Variants in VPS13B observed in about 807,000 individuals in gnomAD.
VPS13B encodes vacuolar protein sorting 13 homolog B, also known as intermembrane lipid transfer protein VPS13B.
In VPS13B, 285 loss-of-function variants were observed where a neutral mutation model predicts 426.4. The ratio of observed to expected loss-of-function variants is 0.67; its 90% CI spans 0.61 to 0.74. VPS13B has a LOEUF of 0.74. VPS13B is among the 30% of genes least tolerant of loss of function. The pLI, the probability that VPS13B is intolerant of heterozygous loss-of-function variation, is 0.00. For synonymous variants in VPS13B, 1,676 were observed against 1,676.4 expected (o/e 1.00, Z 0.01); for missense variants, 4,537 against 4,782.6 (o/e 0.95, Z 1.51).
At chr8:99,194,382 C>T (rs749016848) in intron 17 of VPS13B, among the ~76,000 whole-genome samples, 2 of 152,120 alleles carry the variant, frequency 1.3e-5, no homozygotes, top group Non-Finnish European at 2.9e-5. Context: ...AAACTTTGTA[C>T]CCTCTGAACA....
At chr8:99,490,977 T>G (rs907822038) in intron 25 of VPS13B, among the ~76,000 whole-genome samples, 7 of 152,194 alleles carry the variant, frequency 4.6e-5, no homozygotes, top group Non-Finnish European at 1.0e-4. Flanking sequence ...GCTTCTCTAG[T>G]TCTTTTCATT....
At position 99,728,919 on chromosome 8, in the gene VPS13B, TTC is replaced by T. The variant is rs1833472276; in HGVS notation, c.7050+7876_7050+7877del. ...GGGAATATTCACTCGCTATTGCTTTTTCTCTTTTTCTTTCCCCGTATTTGCTT... is the reference window on the plus strand; with the variant it reads ...GGGAATATTCACTCGCTATTGCTTTTTCTTTTTCTTTCCCCGTATTTGCTT... On this transcript the variant is annotated intron_variant, in intron 39 of 61. Transcript: ENST00000357162. Among the ~76,000 whole-genome samples the T allele has an allele frequency of 2.6e-5, 4 of 152,300 alleles. 1 individual carries two copies. The South Asian group carries it at 8.3e-4, about 32-fold the overall frequency.
chr8:99,596,711 G>A (rs931284250), intron 33 of VPS13B, among the ~76,000 whole-genome samples: 12 of 152,008 alleles, frequency 7.9e-5, no homozygotes, highest in Non-Finnish European at 1.3e-4. Flanking sequence ...TAGCCATGTC[G>A]TCACACCCAG....
intron 3 of VPS13B, among the ~76,000 whole-genome samples, chr8:99,050,989 A>G (rs1269610593): frequency 6.6e-6 from 1 of 151,670 alleles, no homozygotes; most frequent in Non-Finnish European, 1.5e-5. Flanking sequence ...TTGTCTGTTC[A>G]CTCTGATGGT....
intron 51 of VPS13B, 39 bp downstream of exon 51, chr8:99,824,017 TAAAG>T (rs1263194082): frequency 1.9e-6 from 3 of 1,603,216 alleles, no homozygotes; most frequent in Admixed American, 1.7e-5. Context: ...TAAGTTTTGA[TAAAG>T]AAACAATAAA....
At chr8:99,737,924 G>A (rs988034592) in intron 39 of VPS13B, among the ~76,000 whole-genome samples, 9 of 152,192 alleles carry the variant, frequency 5.9e-5, no homozygotes, top group African/African-American at 2.2e-4. Flanking sequence ...ATATGATATA[G>A]GAGACAGCCT....
chr8:99,593,217 G>C (rs112799451), intron 33 of VPS13B, among the ~76,000 whole-genome samples: 3,465 of 151,086 alleles, frequency 0.023, 140 homozygotes, highest in African/African-American at 0.08. Context: ...AAATTTACAA[G>C]AAAAAAAACA....
chr8:99,497,179 A>AT (rs1820949369), intron 25 of VPS13B, among the ~76,000 whole-genome samples: 1 of 139,390 alleles, frequency 7.2e-6, no homozygotes, highest in Admixed American at 7.4e-5. Context: ...TTATATATTT[A>AT]ATATATAAAT....
chr8:99,574,841 T>C (rs1009672233), intron 31 of VPS13B, among the ~76,000 whole-genome samples: 2 of 152,054 alleles, frequency 1.3e-5, no homozygotes, highest in African/African-American at 4.8e-5. Flanking sequence ...TACAGGATTG[T>C]TTTCAGGAAG....
At chr8:99,276,795 A>G (rs1274620393) in intron 19 of VPS13B, among the ~76,000 whole-genome samples, 3 of 152,138 alleles carry the variant, frequency 2.0e-5, no homozygotes, top group African/African-American at 4.8e-5. Flanking sequence ...TTGTTTTCAA[A>G]TAATAAACTT....
chr8:99,159,477 T>C (rs1400627379), intron 15 of VPS13B, among the ~76,000 whole-genome samples: 2 of 152,170 alleles, frequency 1.3e-5, no homozygotes, highest in Non-Finnish European at 2.9e-5. Flanking sequence ...AAATCTTTCA[T>C]GAAAGGAAGA....
At chr8:99,045,322 C>T (rs754130492) in intron 3 of VPS13B, among the ~76,000 whole-genome samples, 2 of 151,986 alleles carry the variant, frequency 1.3e-5, no homozygotes, top group Non-Finnish European at 2.9e-5. Flanking sequence ...AACATTTTTT[C>T]ATATGTTTGT....
At chr8:99,348,081 T>C (rs1157258280) in intron 19 of VPS13B, 1 of 152,290 alleles carries the variant, frequency 6.6e-6, no homozygotes, top group Non-Finnish European at 1.5e-5. Flanking sequence ...TTCAGTTGCC[T>C]GGGGTCATCT....
intron 43 of VPS13B, chr8:99,797,073 T>C (rs918114653): frequency 2.6e-5 from 4 of 152,074 alleles, no homozygotes; most frequent in African/African-American, 9.7e-5. Context: ...CTCCTTGAGA[T>C]AGGAGGGAGA....
At chr8:99,832,261 A>AC in intron 51 of VPS13B, 108 bp from the exon 52 acceptor site, 1 of 1,305,714 alleles carries the variant, frequency 7.7e-7, no homozygotes, top group Non-Finnish European at 1.0e-6. Context: ...GACTGTCTCA[A>AC]AAAAAAAAAA....
At chr8:99,444,780 C>T (rs1451952992) in intron 23 of VPS13B, among the ~76,000 whole-genome samples, 1 of 152,086 alleles carries the variant, frequency 6.6e-6, no homozygotes, top group Non-Finnish European at 1.5e-5. Flanking sequence ...ATTGATCCTC[C>T]CACCTCCTGA....
intron 22 of VPS13B, among the ~76,000 whole-genome samples, chr8:99,434,249 C>T (rs994618256): frequency 6.6e-6 from 1 of 152,128 alleles, no homozygotes; most frequent in African/African-American, 2.4e-5. Context: ...TCCTACACTC[C>T]AGCCAGCCCT....
At chr8:99,832,210 C>T (rs535110629) in intron 51 of VPS13B, among the ~76,000 whole-genome samples, 159 bp from the exon 52 acceptor site, 132 of 149,250 alleles carry the variant, frequency 8.8e-4, no homozygotes, top group African/African-American at 3.0e-3. Flanking sequence ...TGCAGTGAGC[C>T]GAGATGGTGC....
intron 7 of VPS13B, among the ~76,000 whole-genome samples, chr8:99,116,634 A>G (rs956024016): frequency 1.3e-5 from 2 of 150,682 alleles, no homozygotes; most frequent in African/African-American, 2.4e-5. Flanking sequence ...GGGTTTTGCT[A>G]TGTTGCCCAG....
Sources: gnomAD v4.1 joint callset for allele counts (sites outside exome capture counted in the v4.1 genomes callset) on GRCh38, gnomAD v4.1.1 for gene constraint, MANE v1.5 for transcripts, NCBI Gene and HGNC (gene_info 2026-07-23, HGNC 2026-07-21) for gene names.